The following SPON1 variants were observed in gnomAD, a reference collection of about 807,000 sequenced individuals.
The protein encoded by SPON1 is spondin 1.
A neutral mutation model predicts 111.7 loss-of-function variants in SPON1; 52 were observed. The ratio of observed to expected loss-of-function variants is 0.47; its 90% CI spans 0.37 to 0.59. The LOEUF (loss-of-function observed/expected upper bound fraction) is 0.59, where lower values mean the gene tolerates loss of function less well. Ranked by LOEUF, SPON1 falls within the 20% of genes least tolerant of loss-of-function variation. The pLI is 0.00. For synonymous variants in SPON1, 410 were observed against 395.8 expected (o/e 1.04, Z -0.43); for missense variants, 957 against 1,068.5 (o/e 0.90, Z 1.46).
chr11:14,194,962 A>G lies in SPON1; in HGVS notation c.826-48370A>G, dbSNP rs554270921. ...TTGAAAATGCTAGAGGGGGCAGTCT[A>G]CGTGAAATGTTTACATGATAATCTT... On this transcript the variant is annotated intron_variant, in intron 6 of 15. Coordinates refer to ENST00000576479, the MANE Select transcript of SPON1 (RefSeq NM_006108.4). Among the ~76,000 whole-genome samples the G allele has an allele frequency of 1.2e-4, 18 of 152,364 alleles. No individual in the cohort carries two copies. The South Asian group carries it at 3.7e-3, about 32-fold the overall frequency.
At chr11:14,149,796 C>T (rs530443271) in intron 6 of SPON1, among the ~76,000 whole-genome samples, 1 of 152,286 alleles carries the variant, frequency 6.6e-6, no homozygotes, top group Admixed American at 6.5e-5. Flanking sequence ...TACCATATAG[C>T]CTAGGTGTGT....
intron 5 of SPON1, among the ~76,000 whole-genome samples, chr11:14,115,037 C>A (rs891312340): frequency 6.6e-6 from 1 of 152,198 alleles, no homozygotes; most frequent in African/African-American, 2.4e-5. Context: ...AGCACCTGAC[C>A]TCTGATCTGT....
chr11:14,200,641 C>G lies in SPON1; in HGVS notation c.826-42691C>G, dbSNP rs188045399. Among the ~76,000 whole-genome samples the G allele has an allele frequency of 2.9e-4, 44 of 151,808 alleles. 1 individual carries two copies. The highest frequency in any genetic ancestry group is 5.3e-4 in the Non-Finnish European group (36 of 67,936). ...CCAGCCTGGCCAACATGGGGAAACC[C>G]CGTCTCTGCTAAAAATACAAAAAAT... On this transcript the variant is annotated intron_variant, in intron 6 of 15. Coordinates refer to ENST00000576479, the MANE Select transcript of SPON1 (RefSeq NM_006108.4).
rs1554925672 is a variant in SPON1, at chr11:14,113,594, T to A, written c.677-21826T>A. ...TTTTTTTTTTTTTTTTTTTTTTTTT[T>A]TTTTTTTTTTTTTTTTTTTTTTTTT... is the stretch of plus-strand genomic sequence containing the variant. On this transcript the variant is annotated intron_variant, in intron 5 of 15. Transcript: ENST00000576479. Among the ~76,000 whole-genome samples, 10 of 41,302 alleles carry A rather than the reference T, an allele frequency of 2.4e-4. 1 individual carries two copies. Among genetic ancestry groups the A allele is most frequent in the Admixed American group, 4.5e-4 (2 of 4,466 alleles). 27.1% of individuals were successfully genotyped at this position (41,302 alleles called of 152,430 possible).
chr11:14,060,159 A>C (rs1351752961), intron 3 of SPON1, among the ~76,000 whole-genome samples: 2 of 152,244 alleles, frequency 1.3e-5, no homozygotes, highest in Non-Finnish European at 2.9e-5. Context: ...TGAAGCTCAG[A>C]GAGGTAATGT....
chr11:13,965,280 C>T (rs570393419), intron 1 of SPON1, among the ~76,000 whole-genome samples: 18 of 152,286 alleles, frequency 1.2e-4, no homozygotes, highest in African/African-American at 4.3e-4. Flanking sequence ...ATATCAGGAG[C>T]CTTGCCTAAG....
At chr11:13,992,118 C>T (rs1031138549) in intron 2 of SPON1, among the ~76,000 whole-genome samples, 1 of 152,244 alleles carries the variant, frequency 6.6e-6, no homozygotes, top group East Asian at 1.9e-4. Context: ...CTCTTCAGAG[C>T]CATCAGGCAG....
chr11:14,257,679 A>G (rs1554941361), intron 10 of SPON1, 37 bp from the exon 11 acceptor site: 2 of 1,553,728 alleles, frequency 1.3e-6, no homozygotes, highest in Admixed American at 3.6e-5. Flanking sequence ...CAGCTCCCAT[A>G]GGTTCCCAGG....
intron 6 of SPON1, among the ~76,000 whole-genome samples, chr11:14,240,931 A>G (rs372113380): frequency 6.6e-6 from 1 of 152,234 alleles, no homozygotes; most frequent in Non-Finnish European, 1.5e-5. Flanking sequence ...GCTAAGATAT[A>G]TAGTATATAG....
In SPON1 at chr11:14,218,882, A is replaced by G. The variant is rs568455724; in HGVS notation, c.826-24450A>G. On this transcript the variant is annotated intron_variant, in intron 6 of 15. Transcript: ENST00000576479. ...TTAGCTCTGTCTGTTGACAATTTGG[A>G]TACAATAACCTTTCTGTTTCGTGAA... Among the ~76,000 whole-genome samples the G allele has an allele frequency of 1.2e-4, 18 of 152,294 alleles. No homozygotes were observed. In the South Asian group the frequency reaches 3.7e-3, roughly 32 times the overall value.
chr11:14,254,082 GA>G (rs1461773680), intron 7 of SPON1, among the ~76,000 whole-genome samples: 2 of 152,242 alleles, frequency 1.3e-5, no homozygotes, highest in African/African-American at 4.8e-5. Flanking sequence ...GCTGTGAGCT[GA>G]TGGGTACAGT....
chr11:14,099,896 G>T (rs1300591464), intron 5 of SPON1, among the ~76,000 whole-genome samples: 3 of 151,950 alleles, frequency 2.0e-5, no homozygotes, highest in Non-Finnish European at 4.4e-5. Flanking sequence ...AGAGGGAAGA[G>T]GTGCCACACT....
In SPON1 at chr11:14,191,243, G is replaced by A. The variant is rs538152921; in HGVS notation, c.826-52089G>A. ...TCCAATGCCTGCCCCAACTGGCCACGGCAGTGATGGAAGGTGGACCAATGA... is the reference window on the plus strand; with the variant it reads ...TCCAATGCCTGCCCCAACTGGCCACAGCAGTGATGGAAGGTGGACCAATGA... On this transcript the variant is annotated intron_variant, in intron 6 of 15. Coordinates refer to ENST00000576479, the MANE Select transcript of SPON1 (RefSeq NM_006108.4). Among the ~76,000 whole-genome samples, 47 of 152,274 alleles carry A rather than the reference G, an allele frequency of 3.1e-4. 1 individual carries two copies. The highest frequency in any genetic ancestry group is 3.4e-3 in the Middle Eastern group (1 of 294).
intron 3 of SPON1, among the ~76,000 whole-genome samples, chr11:14,043,017 G>GA (rs375254040): frequency 9.9e-5 from 15 of 152,264 alleles, no homozygotes; most frequent in African/African-American, 3.4e-4. Flanking sequence ...TGGTCATTAA[G>GA]AAAAAATCAG....
intron 2 of SPON1, among the ~76,000 whole-genome samples, chr11:14,008,205 A>T (rs1848378260): frequency 6.6e-6 from 1 of 152,214 alleles, no homozygotes; most frequent in African/African-American, 2.4e-5. Context: ...AGATATTATA[A>T]GTAATCTGGA....
Position 14,262,099 on chromosome 11 carries a change from C to T in SPON1, c.1997-613C>T, listed in dbSNP as rs149026836. On this transcript the variant is annotated intron_variant, in intron 14 of 15. Transcript: ENST00000576479. Reference sequence around the variant, plus strand: ...GGCTTAGTAAGAATTTACTGGATCTCGATAAACCATAAAGCACCACTTGCT... The same window carrying T: ...GGCTTAGTAAGAATTTACTGGATCTTGATAAACCATAAAGCACCACTTGCT... Among the ~76,000 whole-genome samples the T allele has an allele frequency of 5.3e-5, 8 of 152,266 alleles. No homozygotes were observed. The East Asian group carries it at 1.2e-3, about 22-fold the overall frequency.
chr11:14,095,526 G>A (rs1202667790), intron 5 of SPON1, among the ~76,000 whole-genome samples: 1 of 152,010 alleles, frequency 6.6e-6, no homozygotes, highest in African/African-American at 2.4e-5. Context: ...TCTGCAAACC[G>A]GAGACCCAGG....
chr11:14,145,281 G>C (rs1554929203), intron 6 of SPON1, among the ~76,000 whole-genome samples: 1 of 152,162 alleles, frequency 6.6e-6, no homozygotes, highest in African/African-American at 2.4e-5. Context: ...TGGCCTCTTA[G>C]CATTACTTCT....
chr11:14,107,011 C>T (rs1237116910), intron 5 of SPON1, among the ~76,000 whole-genome samples: 6 of 152,162 alleles, frequency 3.9e-5, no homozygotes, highest in African/African-American at 9.7e-5. Flanking sequence ...TTTAATTAAA[C>T]TCTGTCTAAC....
Sources: gnomAD v4.1 joint callset for allele counts (sites outside exome capture counted in the v4.1 genomes callset) on GRCh38, gnomAD v4.1.1 for gene constraint, MANE v1.5 for transcripts, NCBI Gene and HGNC (gene_info 2026-07-23, HGNC 2026-07-21) for gene names.